Variants in LAMC3 observed in about 807,000 individuals in gnomAD.
LAMC3 encodes laminin subunit gamma-3.
In LAMC3, 128 loss-of-function variants were observed where a neutral mutation model predicts 173.8. The observed-to-expected ratio is 0.74, with a 90% CI of 0.64 to 0.85. The LOEUF (loss-of-function observed/expected upper bound fraction) is 0.85, where lower values mean the gene tolerates loss of function less well. Ranked by LOEUF, LAMC3 falls within the 40% of genes least tolerant of loss-of-function variation. The pLI is 0.00. For synonymous variants in LAMC3, 897 were observed against 909.1 expected, an observed-to-expected ratio of 0.99 and a Z score of 0.24; for missense variants, 2,022 against 2,156.0, an observed-to-expected ratio of 0.94 and a Z score of 1.23.
chr9:131,053,325 A>C (rs1458885977), intron 11 of LAMC3, among the ~76,000 whole-genome samples: 1 of 152,158 alleles, frequency 6.6e-6, no homozygotes, highest in Non-Finnish European at 1.5e-5. Flanking sequence ...CACAGCCGGC[A>C]GTCCAGGAGT....
chr9:131,071,150 T>C (rs905639797), intron 17 of LAMC3, among the ~76,000 whole-genome samples: 3 of 152,192 alleles, frequency 2.0e-5, no homozygotes, highest in Non-Finnish European at 4.4e-5. Flanking sequence ...GTGTGCTTTC[T>C]CCATGTGGCG....
chr9:131,073,152 GC>G, intron 19 of LAMC3, 92 bp from the exon 20 acceptor site: 1 of 962,588 alleles, frequency 1.0e-6, no homozygotes. Flanking sequence ...AACGACGGGT[GC>G]CATCCAGTTC....
chr9:131,027,038 T>C (rs1833732197), intron 2 of LAMC3, among the ~76,000 whole-genome samples: 1 of 152,214 alleles, frequency 6.6e-6, no homozygotes, highest in African/African-American at 2.4e-5. Context: ...TCAAGCTTTC[T>C]GCCACAGAAG....
At chr9:131,013,164 G>A (rs1833455375) in intron 1 of LAMC3, among the ~76,000 whole-genome samples, 1 of 152,238 alleles carries the variant, frequency 6.6e-6, no homozygotes, top group Non-Finnish European at 1.5e-5. Flanking sequence ...GGCACTGAGG[G>A]TGAGATCAGT....
intron 19 of LAMC3, 110 bp downstream of exon 19, chr9:131,072,945 C>T (rs1414874754): frequency 5.0e-6 from 5 of 1,004,436 alleles, no homozygotes; most frequent in Admixed American, 4.0e-5. Flanking sequence ...CTTTGGGAGG[C>T]TTAATTTCAT....
At chr9:131,018,439 A>G (rs1833567372) in intron 1 of LAMC3, among the ~76,000 whole-genome samples, 1 of 151,956 alleles carries the variant, frequency 6.6e-6, no homozygotes, top group Non-Finnish European at 1.5e-5. Flanking sequence ...CCGGCCCCCA[A>G]GATCTTTTAA....
intron 1 of LAMC3, among the ~76,000 whole-genome samples, chr9:131,025,613 C>T (rs566067774): frequency 2.0e-5 from 3 of 152,078 alleles, no homozygotes; most frequent in South Asian, 2.1e-4. Context: ...AGGGGACTTT[C>T]GAGGAGGTGA....
intron 16 of LAMC3, 53 bp from the exon 17 acceptor site, chr9:131,069,619 G>T: frequency 6.4e-7 from 1 of 1,555,576 alleles, no homozygotes; most frequent in African/African-American, 1.4e-5. Context: ...AACCCAGCAC[G>T]CACTGCCCCT....
In LAMC3 at chr9:131,026,429, G is replaced by C. The variant is rs753023173; in HGVS notation, c.518G>C (p.Arg173Pro). The change falls in exon 2 of 28, where the codon CGG becomes CCG. Residue 173 changes from arginine to proline, a missense_variant. Arg to Pro is a moderately radical substitution (Grantham distance 103). Coordinates refer to ENST00000361069, the MANE Select transcript of LAMC3 (RefSeq NM_006059.4). The surrounding 1 kb of genome is among the most constrained non-coding windows in gnomAD (Gnocchi z 4.8). ...YSASCQKTYG[R>P]PEGQYLRPGE... ...GCCTCCTGCCAGAAGACCTACGGCCGGCCCGAGGGCCAGTACCTGCGCCCC... is the reference window on the plus strand; with the variant it reads ...GCCTCCTGCCAGAAGACCTACGGCCCGCCCGAGGGCCAGTACCTGCGCCCC... 15 of 1,613,792 alleles carry C rather than the reference G, an allele frequency of 9.3e-6. No individual in the cohort carries two copies. The East Asian group carries it at 3.1e-4, about 34-fold the overall frequency.
chr9:131,051,365 C>CTT (rs58477043), intron 9 of LAMC3, among the ~76,000 whole-genome samples: 67,562 of 126,698 alleles, frequency 0.53, 19,094 homozygotes, highest in African/African-American at 0.6. Context: ...TTTTACCATT[C>CTT]TTTTTTTTTT....
In LAMC3 at chr9:131,075,680, G is replaced by A. The variant is rs547473674; in HGVS notation, c.3495-151G>A. ...CCTTTCCTGTCAGTCCTTGAAGTGC[G>A]TAACACAGAAAGGTGGAAAAGGCGT... On this transcript the variant is annotated intron_variant, in intron 20 of 27. Coordinates refer to ENST00000361069, the MANE Select transcript of LAMC3 (RefSeq NM_006059.4). 1.2e-4 allele frequency: 94 copies of A among 799,288 alleles called. 1 individual carries two copies. Among genetic ancestry groups the A allele is most frequent in the Middle Eastern group, 1.1e-3 (3 of 2,786 alleles). The allele number at this position is 799,288 out of a possible 1,614,324, so 49.5% of individuals were successfully genotyped here.
chr9:131,032,070 T>C lies in LAMC3; in HGVS notation c.704T>C (p.Leu235Pro). 5 of 1,613,970 alleles carry C rather than the reference T, an allele frequency of 3.1e-6. No individual in the cohort carries two copies. Among genetic ancestry groups the C allele is most frequent in the Non-Finnish European group, 4.2e-6 (5 of 1,179,974 alleles). The part of the protein sequence containing the change: ...LQEWVTSTEL[L>P]ISLDRLNTFG... The stretch of plus-strand genomic sequence containing the variant: ...GAGTGGGTCACCAGCACCGAACTCC[T>C]CATCTCTCTAGACCGGCTCAACACG... Residue 235 changes from leucine to proline, a missense_variant, in exon 3 of 28, where the codon CTC (leucine) becomes CCC (proline). Leu to Pro is a moderately conservative substitution (Grantham distance 98). Transcript: ENST00000361069.
chr9:131,052,715 G>A, intron 10 of LAMC3, 32 bp downstream of exon 10: 11 of 1,588,052 alleles, frequency 6.9e-6, no homozygotes, highest in Non-Finnish European at 9.5e-6. Context: ...GAGAGATGGG[G>A]AGGTGAGAGG....
intron 20 of LAMC3, among the ~76,000 whole-genome samples, chr9:131,074,091 C>T (rs950645655): frequency 4.0e-5 from 6 of 151,784 alleles, no homozygotes; most frequent in South Asian, 2.1e-4. Context: ...GGACTACAGG[C>T]GCCTGCCAAC....
At chr9:131,088,817 C>T (rs1438351257) in intron 27 of LAMC3, among the ~76,000 whole-genome samples, 1 of 152,020 alleles carries the variant, frequency 6.6e-6, no homozygotes, top group Non-Finnish European at 1.5e-5. Flanking sequence ...CAGGGTGGCT[C>T]ATGCCTGTAA....
chr9:131,020,279 G>C (rs955918108), intron 1 of LAMC3, among the ~76,000 whole-genome samples: 3 of 152,130 alleles, frequency 2.0e-5, no homozygotes, highest in Admixed American at 1.3e-4. Flanking sequence ...GCCACCCACT[G>C]TTCTTGTTCT....
At position 131,031,570 on chromosome 9, in the gene LAMC3, G is replaced by A. The variant is rs78019063; in HGVS notation, c.679-475G>A. 6.6e-3 allele frequency among the ~76,000 whole-genome samples: 1,003 copies of A among 152,274 alleles called. 5 individuals are homozygous for A. The highest frequency in any genetic ancestry group is 0.011 in the Non-Finnish European group (730 of 68,000). The stretch of plus-strand genomic sequence containing the variant: ...CCCACTGAGCAGGGGAGAAGGTTGC[G>A]GGGGCACACCGTCCCCCAGCTGTAT... On this transcript the variant is annotated intron_variant, in intron 2 of 27. Transcript: ENST00000361069.
In LAMC3 at chr9:131,038,986, T is replaced by G; in HGVS notation, c.1099T>G (p.Cys367Gly). 1 of 1,613,672 alleles carries G rather than the reference T, an allele frequency of 6.2e-7. No homozygotes were observed. The highest frequency in any genetic ancestry group is 8.5e-7 in the Non-Finnish European group (1 of 1,180,018). ...CACAGCTGGGCCACACTGTGAGCGCTGTCAGGAGAATTTCTATCACTGGGA... is the reference window on the plus strand; with the variant it reads ...CACAGCTGGGCCACACTGTGAGCGCGGTCAGGAGAATTTCTATCACTGGGA... Reference protein sequence around the residue: ...DHTAGPHCERCQENFYHWDPR... With the variant: ...DHTAGPHCERGQENFYHWDPR... The change falls in exon 5 of 28, where the codon TGT (cysteine) becomes GGT (glycine). Residue 367 changes from cysteine to glycine, a missense_variant. Coordinates refer to ENST00000361069, the MANE Select transcript of LAMC3 (RefSeq NM_006059.4).
Position 131,091,607 on chromosome 9 carries a change from G to C in LAMC3, c.4548G>C (p.Arg1516Ser). Reference sequence around the variant, plus strand: ...CTCAGTGGGCACTAGAACGCCTGAGGCTGCAGCTGGGCTCCCCGGGGTCCT... The same window carrying C: ...CTCAGTGGGCACTAGAACGCCTGAGCCTGCAGCTGGGCTCCCCGGGGTCCT... ...NETQWALERLRLQLGSPGSLQ... is the reference protein window; with the variant it reads ...NETQWALERLSLQLGSPGSLQ... The change falls in exon 28 of 28, where the codon AGG (arginine) becomes AGC (serine). Residue 1516 changes from arginine to serine, a missense_variant. By Grantham distance (110) the Arg-to-Ser change is moderately radical (BLOSUM62 -1). Coordinates refer to ENST00000361069, the MANE Select transcript of LAMC3 (RefSeq NM_006059.4). 1 of 1,594,054 alleles carries C rather than the reference G, an allele frequency of 6.3e-7. No homozygotes were observed. Among genetic ancestry groups the C allele is most frequent in the Non-Finnish European group, 8.5e-7 (1 of 1,170,636 alleles).
Sources: gnomAD v4.1 joint callset for allele counts (sites outside exome capture counted in the v4.1 genomes callset) on GRCh38, gnomAD v4.1.1 for gene constraint, Gnocchi (gnomAD v3.1) non-coding constraint, MANE v1.5 for transcripts, NCBI Gene and HGNC (gene_info 2026-07-23, HGNC 2026-07-21) for gene names.